Variants in RHOJ observed in about 807,000 individuals in gnomAD.
RHOJ encodes ras homolog family member J, also known as rho-related GTP-binding protein RhoJ.
A neutral mutation model predicts 23.4 loss-of-function variants in RHOJ; 11 were observed. The observed-to-expected ratio is 0.47, with a 90% CI of 0.30 to 0.78. The LOEUF is 0.78. Among genes scored for constraint, RHOJ ranks in the 30% least tolerant of loss-of-function variants. RHOJ has a pLI of 0.08. For missense variants in RHOJ, 254 were observed against 273.4 expected (o/e 0.93, Z 0.50); for synonymous variants, 102 against 102.7 (o/e 0.99, Z 0.04).
chr14:63,214,498 A>T (rs746935121), intron 1 of RHOJ, among the ~76,000 whole-genome samples: 33 of 152,206 alleles, frequency 2.2e-4, no homozygotes, highest in Non-Finnish European at 8.8e-5. Flanking sequence ...TTGACTTGGG[A>T]GTTTCCAGCA....
intron 1 of RHOJ, among the ~76,000 whole-genome samples, chr14:63,245,294 T>TA (rs879627512): frequency 0.017 from 2,491 of 147,030 alleles, 62 homozygotes; most frequent in African/African-American, 0.057. Flanking sequence ...CTTGCTTCAT[T>TA]AAAAAAAAAA....
chr14:63,271,443 T>C (rs949122029), intron 2 of RHOJ, among the ~76,000 whole-genome samples: 1 of 152,176 alleles, frequency 6.6e-6, no homozygotes, highest in African/African-American at 2.4e-5. Context: ...AACTTGTAAT[T>C]CATTTTCTAG....
chr14:63,268,655 G>A (rs1895410695), intron 1 of RHOJ, among the ~76,000 whole-genome samples: 1 of 152,034 alleles, frequency 6.6e-6, no homozygotes, highest in South Asian at 2.1e-4. Flanking sequence ...TTGTTTTTAG[G>A]GTTTTATAAA....
In RHOJ at chr14:63,221,865, G is replaced by C. The variant is rs140688904; in HGVS notation, c.178+16818G>C. 3.2e-3 allele frequency among the ~76,000 whole-genome samples: 489 copies of C among 152,124 alleles called. 1 individual carries two copies. Among genetic ancestry groups the C allele is most frequent in the Non-Finnish European group, 5.7e-3 (388 of 67,992 alleles). On this transcript the variant is annotated intron_variant, in intron 1 of 4. Transcript: ENST00000316754. The stretch of plus-strand genomic sequence containing the variant: ...ATACTTTAAGTTCTAGGGTACATGC[G>C]CACAACGTGCAGGTTTGTTACATAT...
At chr14:63,220,598 C>T (rs958919653) in intron 1 of RHOJ, among the ~76,000 whole-genome samples, 11 of 152,104 alleles carry the variant, frequency 7.2e-5, no homozygotes, top group Non-Finnish European at 1.6e-4. Context: ...CCCAGAAATC[C>T]TGGCTGGGCA....
At chr14:63,276,062 G>C (rs950181512) in intron 2 of RHOJ, among the ~76,000 whole-genome samples, 3 of 152,134 alleles carry the variant, frequency 2.0e-5, no homozygotes, top group Non-Finnish European at 1.5e-5. Context: ...CATCTGTCTA[G>C]ACCTTTGTTT....
chr14:63,218,010 A>C (rs1181080745), intron 1 of RHOJ, among the ~76,000 whole-genome samples: 1 of 152,128 alleles, frequency 6.6e-6, no homozygotes, highest in East Asian at 1.9e-4. Context: ...ATGCAAGTTA[A>C]TTTAGATCAA....
intron 1 of RHOJ, among the ~76,000 whole-genome samples, chr14:63,264,103 C>CT (rs1341047231): frequency 1.3e-5 from 2 of 151,912 alleles, no homozygotes; most frequent in African/African-American, 4.8e-5. Context: ...CACCTGAGTA[C>CT]TATGCTTACT....
At chr14:63,226,279 A>G (rs1231875756) in intron 1 of RHOJ, among the ~76,000 whole-genome samples, 1 of 152,100 alleles carries the variant, frequency 6.6e-6, no homozygotes, top group African/African-American at 2.4e-5. Flanking sequence ...ACCTCTATGA[A>G]GAAAGAACAC....
chr14:63,280,065 C>A (rs1038565238), intron 2 of RHOJ, among the ~76,000 whole-genome samples: 1 of 151,970 alleles, frequency 6.6e-6, no homozygotes, highest in Non-Finnish European at 1.5e-5. Context: ...GCTGTGTTGC[C>A]CAGGCTGGAG....
intron 4 of RHOJ, among the ~76,000 whole-genome samples, chr14:63,283,566 T>C (rs1374688678): frequency 1.3e-5 from 2 of 152,240 alleles, no homozygotes; most frequent in African/African-American, 4.8e-5. Context: ...CTGCTTATTA[T>C]GGATGTAGCT....
At chr14:63,256,639 G>C (rs1354291585) in intron 1 of RHOJ, among the ~76,000 whole-genome samples, 1 of 152,162 alleles carries the variant, frequency 6.6e-6, no homozygotes, top group Non-Finnish European at 1.5e-5. Flanking sequence ...AGGCTGGACC[G>C]AAGTGACAAG....
intron 2 of RHOJ, among the ~76,000 whole-genome samples, chr14:63,277,998 C>CACACACACACACAG (rs1369633326): frequency 6.6e-6 from 1 of 151,268 alleles, no homozygotes; most frequent in African/African-American, 2.4e-5. Flanking sequence ...CACACACACA[C>CACACACACACACAG]ACAGACATAG....
In RHOJ at chr14:63,293,216, G is replaced by C. The variant is rs1882304331; in HGVS notation, c.*2192G>C. 1 of 152,196 alleles carries C rather than the reference G, an allele frequency of 6.6e-6. No individual in the cohort carries two copies. Among genetic ancestry groups the C allele is most frequent in the South Asian group, 2.1e-4 (1 of 4,826 alleles). The allele number at this position is 152,196 out of a possible 1,614,324, so 9.4% of individuals were successfully genotyped here. ...TCCTGTAATAAATGAAATGTTATTA[G>C]GCAGCTTTGTTGCATGATTGCATAG... On this transcript the variant is annotated 3_prime_UTR_variant, in exon 5 of 5. Transcript: ENST00000316754.
At position 63,292,255 on chromosome 14, in the gene RHOJ, A is replaced by T. The variant is rs571276205; in HGVS notation, c.*1231A>T. ...CCTCCCAAATGTCTTTGTGGGAGCCATATCAGTGGATACCAAGCTCTGTAT... is the reference window on the plus strand; with the variant it reads ...CCTCCCAAATGTCTTTGTGGGAGCCTTATCAGTGGATACCAAGCTCTGTAT... On this transcript the variant is annotated 3_prime_UTR_variant, in exon 5 of 5. Coordinates refer to ENST00000316754, the MANE Select transcript of RHOJ (RefSeq NM_020663.5). 1 of 152,236 alleles carries T rather than the reference A, an allele frequency of 6.6e-6. No homozygotes were observed. Among genetic ancestry groups the T allele is most frequent in the East Asian group, 1.9e-4 (1 of 5,178 alleles). 9.4% of individuals were successfully genotyped at this position (152,236 alleles called of 1,614,324 possible).
At chr14:63,247,546 A>T (rs781598191) in intron 1 of RHOJ, among the ~76,000 whole-genome samples, 1 of 152,202 alleles carries the variant, frequency 6.6e-6, no homozygotes, top group Non-Finnish European at 1.5e-5. Context: ...CTTGGAAGAG[A>T]CTACTAAGTT....
intron 1 of RHOJ, among the ~76,000 whole-genome samples, chr14:63,219,814 C>A (rs1362232915): frequency 7.7e-5 from 10 of 129,714 alleles, no homozygotes; most frequent in African/African-American, 8.5e-5. Flanking sequence ...GATTGCATCT[C>A]AAAAAAAAAA....
intron 1 of RHOJ, among the ~76,000 whole-genome samples, chr14:63,211,545 T>A (rs1396634886): frequency 6.6e-6 from 1 of 152,244 alleles, no homozygotes; most frequent in African/African-American, 2.4e-5. Context: ...AGGCATATAA[T>A]GGGTAATGAT....
chr14:63,231,849 T>C (rs2139747871), intron 1 of RHOJ, among the ~76,000 whole-genome samples: 1 of 152,356 alleles, frequency 6.6e-6, no homozygotes, highest in South Asian at 2.1e-4. Context: ...TCTCATCTCA[T>C]AGACTATATT....
Sources: allele counts gnomAD v4.1 joint callset (sites outside exome capture counted in the v4.1 genomes callset), GRCh38; gene constraint gnomAD v4.1.1; transcripts MANE v1.5; gene names NCBI Gene and HGNC (gene_info 2026-07-23, HGNC 2026-07-21).